Variants in GABRB1 observed in about 807,000 individuals in gnomAD.
GABRB1 encodes the protein gamma-aminobutyric acid type A receptor subunit beta1, also known as gamma-aminobutyric acid receptor subunit beta-1.
GABRB1 carries 17 observed loss-of-function variants against 51.6 expected under a neutral mutation model. That is an observed-to-expected ratio of 0.33 (90% CI 0.23 to 0.49). GABRB1 has a LOEUF of 0.49. GABRB1 is among the 20% of genes least tolerant of loss of function. GABRB1 has a pLI of 0.99. For missense variants in GABRB1, 410 were observed against 600.6 expected, an observed-to-expected ratio of 0.68 and a Z score of 3.32; for synonymous variants, 247 against 218.9, an observed-to-expected ratio of 1.13 and a Z score of -1.14.
At chr4:47,202,100 T>C (rs1276020181) in intron 4 of GABRB1, among the ~76,000 whole-genome samples, 2 of 152,058 alleles carry the variant, frequency 1.3e-5, no homozygotes, top group Non-Finnish European at 2.9e-5. Flanking sequence ...CCCTATAATT[T>C]CCATAATCCC....
At chr4:47,229,243 C>A (rs533900933) in intron 4 of GABRB1, among the ~76,000 whole-genome samples, 1 of 152,066 alleles carries the variant, frequency 6.6e-6, no homozygotes, top group South Asian at 2.1e-4. Context: ...CTGAAAGAAA[C>A]TGAATGAATG....
chr4:47,202,046 G>T (rs1457982134), intron 4 of GABRB1, among the ~76,000 whole-genome samples: 1 of 152,126 alleles, frequency 6.6e-6, no homozygotes, highest in African/African-American at 2.4e-5. Context: ...CTAGGTTGTT[G>T]ATGTGGTTAG....
rs530018590 is a variant in GABRB1, at chr4:47,255,451, T to A, written c.462-64676T>A. Among the ~76,000 whole-genome samples, 8 of 152,336 alleles carry A rather than the reference T, an allele frequency of 5.3e-5. No individual in the cohort carries two copies. In the East Asian group the frequency reaches 1.2e-3, roughly 22 times the overall value. ...CAAATAAGTGAGTTATCTGAACAAA[T>A]AATGAGATTCAGGGAAACTAAAGTT... On this transcript the variant is annotated intron_variant, in intron 4 of 8. Coordinates refer to ENST00000295454, the MANE Select transcript of GABRB1 (RefSeq NM_000812.4).
intron 4 of GABRB1, among the ~76,000 whole-genome samples, chr4:47,270,980 AG>A (rs752816187): frequency 6.6e-6 from 1 of 152,334 alleles, no homozygotes; most frequent in East Asian, 1.9e-4. Flanking sequence ...ACCAAAGCAA[AG>A]AACTTACTTC....
rs114651275 is a variant in GABRB1 at position 47,251,663 on chromosome 4, A to G, written c.462-68464A>G. 5.6e-3 allele frequency among the ~76,000 whole-genome samples: 847 copies of G among 152,226 alleles called. 10 individuals are homozygous for G. Among genetic ancestry groups the G allele is most frequent in the African/African-American group, 0.02 (816 of 41,516 alleles). ...GTGGGTGTCAATTTAGAGAGCCAAG[A>G]GAAATACAGGGGTACAGGAAGCAAC... On this transcript the variant is annotated intron_variant, in intron 4 of 8. Transcript: ENST00000295454.
chr4:47,033,255 T>C (rs1560503985), intron 3 of GABRB1, among the ~76,000 whole-genome samples: 1 of 152,208 alleles, frequency 6.6e-6, no homozygotes, highest in Non-Finnish European at 1.5e-5. Context: ...AGCACAGTCC[T>C]TTCATTTCAA....
chr4:47,278,926 C>T (rs1461133378), intron 4 of GABRB1, among the ~76,000 whole-genome samples: 1 of 152,130 alleles, frequency 6.6e-6, no homozygotes, highest in African/African-American at 2.4e-5. Context: ...AGGGTCAGTG[C>T]ACAAGCTGTA....
At chr4:47,173,050 A>G (rs1560570677) in intron 4 of GABRB1, among the ~76,000 whole-genome samples, 1 of 152,186 alleles carries the variant, frequency 6.6e-6, no homozygotes, top group Non-Finnish European at 1.5e-5. Context: ...TTTGCAAAGT[A>G]GTGGTAACCA....
intron 4 of GABRB1, among the ~76,000 whole-genome samples, chr4:47,261,340 C>G (rs980332803): frequency 6.6e-6 from 1 of 152,182 alleles, no homozygotes; most frequent in Non-Finnish European, 1.5e-5. Flanking sequence ...ATAAGCAACT[C>G]CAGCAAAGTC....
At chr4:47,321,590 TA>T (rs1725088955) in intron 5 of GABRB1, among the ~76,000 whole-genome samples, 1 of 93,184 alleles carries the variant, frequency 1.1e-5, no homozygotes, top group Non-Finnish European at 2.2e-5. Flanking sequence ...ATTCAAATCA[TA>T]GGAATGAACT....
chr4:47,173,131 C>G (rs1718514855), intron 4 of GABRB1, among the ~76,000 whole-genome samples: 1 of 152,060 alleles, frequency 6.6e-6, no homozygotes. Context: ...AATTCTTACC[C>G]CTTTTTAAAT....
intron 4 of GABRB1, among the ~76,000 whole-genome samples, chr4:47,208,579 G>C (rs145824634): frequency 0.011 from 1,632 of 152,130 alleles, 25 homozygotes; most frequent in African/African-American, 0.037. Context: ...TGGGTGAGTT[G>C]CATGGTATGT....
chr4:47,187,731 A>G (rs987656835), intron 4 of GABRB1, among the ~76,000 whole-genome samples: 9 of 151,740 alleles, frequency 5.9e-5, no homozygotes, highest in Non-Finnish European at 1.0e-4. Context: ...GAGACACCAC[A>G]TTGTCTAACC....
At chr4:47,401,437 T>C (rs1229419120) in intron 5 of GABRB1, among the ~76,000 whole-genome samples, 1 of 152,180 alleles carries the variant, frequency 6.6e-6, no homozygotes, top group Admixed American at 6.5e-5. Flanking sequence ...ATACCCTTCC[T>C]TCTTTAGTAG....
Position 47,340,732 on chromosome 4 carries a change from CACAA to C in GABRB1, c.544+20527_544+20530del, listed in dbSNP as rs796228231. On this transcript the variant is annotated intron_variant, in intron 5 of 8. Transcript: ENST00000295454. ...TTTCAACATAAAAATGTTCTGTAAACACAAACACTCAGGCCATAGCAGGTAACAA... is the reference window on the plus strand; with the variant it reads ...TTTCAACATAAAAATGTTCTGTAAACACACTCAGGCCATAGCAGGTAACAA... 9.9e-5 allele frequency among the ~76,000 whole-genome samples: 15 copies of C among 152,004 alleles called. 2 individuals carry two copies. Among genetic ancestry groups the C allele is most frequent in the African/African-American group, 3.6e-4 (15 of 41,532 alleles).
intron 8 of GABRB1, among the ~76,000 whole-genome samples, chr4:47,409,186 C>T (rs1411254437): frequency 6.6e-6 from 1 of 152,082 alleles, no homozygotes; most frequent in Non-Finnish European, 1.5e-5. Flanking sequence ...TCCCGAAGCC[C>T]CAGTAGGTGT....
intron 4 of GABRB1, among the ~76,000 whole-genome samples, chr4:47,262,577 C>T (rs1449344551): frequency 6.6e-6 from 1 of 152,118 alleles, no homozygotes; most frequent in Non-Finnish European, 1.5e-5. Flanking sequence ...GAAATAGGAA[C>T]ACTTTTACAC....
At chr4:47,252,241 C>G (rs1426645868) in intron 4 of GABRB1, among the ~76,000 whole-genome samples, 1 of 152,014 alleles carries the variant, frequency 6.6e-6, no homozygotes, top group Non-Finnish European at 1.5e-5. Context: ...TAAATTGACT[C>G]AACTCCAAGT....
chr4:47,120,871 C>CCCTCT (rs1483953605), intron 3 of GABRB1, among the ~76,000 whole-genome samples: 1 of 152,008 alleles, frequency 6.6e-6, no homozygotes, highest in Non-Finnish European at 1.5e-5. Context: ...TTTTACTCTC[C>CCCTCT]CCTCTCCTCT....
Sources: allele counts gnomAD v4.1 joint callset (sites outside exome capture counted in the v4.1 genomes callset), GRCh38; gene constraint gnomAD v4.1.1; transcripts MANE v1.5; gene names NCBI Gene and HGNC (gene_info 2026-07-23, HGNC 2026-07-21).